The following FAM184A variants were observed in gnomAD, a reference collection of about 807,000 sequenced individuals.
The protein encoded by FAM184A is protein FAM184A.
In FAM184A, 99 loss-of-function variants were observed where a neutral mutation model predicts 143.8. The ratio of observed to expected loss-of-function variants is 0.69; its 90% CI spans 0.58 to 0.81. The LOEUF is 0.81. Ranked by LOEUF, FAM184A falls within the 40% of genes least tolerant of loss-of-function variation. FAM184A has a pLI of 0.00. For missense variants in FAM184A, 1,217 were observed against 1,310.5 expected (o/e 0.93, Z 1.10); for synonymous variants, 427 against 446.4 (o/e 0.96, Z 0.55).
chr6:119,137,720 A>G (rs751409363), intron 1 of FAM184A, among the ~76,000 whole-genome samples: 1 of 152,144 alleles, frequency 6.6e-6, no homozygotes, highest in Non-Finnish European at 1.5e-5. Flanking sequence ...GTCAGGTTCT[A>G]TGGGGTTTAC....
chr6:119,008,559 A>T (rs1784997026), intron 6 of FAM184A, among the ~76,000 whole-genome samples: 1 of 152,172 alleles, frequency 6.6e-6, no homozygotes, highest in African/African-American at 2.4e-5. Context: ...TTATCCTTGG[A>T]CTTTACAGTC....
At chr6:119,023,703 A>G (rs1435218789) in intron 2 of FAM184A, among the ~76,000 whole-genome samples, 1 of 151,518 alleles carries the variant, frequency 6.6e-6, no homozygotes, top group African/African-American at 2.4e-5. Flanking sequence ...CAATAATTAG[A>G]CAAGGTTTTA....
At chr6:119,132,891 G>C (rs540863309) in intron 1 of FAM184A, among the ~76,000 whole-genome samples, 6 of 152,204 alleles carry the variant, frequency 3.9e-5, no homozygotes, top group Admixed American at 3.3e-4. Context: ...CTGGGATGCA[G>C]ATGTTCACAT....
chr6:119,111,658 G>C (rs1042930615), intron 1 of FAM184A, among the ~76,000 whole-genome samples: 1 of 152,206 alleles, frequency 6.6e-6, no homozygotes, highest in Non-Finnish European at 1.5e-5. Flanking sequence ...TCCTGAAAGA[G>C]GTGTCTTGTC....
chr6:118,968,671 T>A (rs994271880), intron 14 of FAM184A, among the ~76,000 whole-genome samples: 8 of 152,202 alleles, frequency 5.3e-5, no homozygotes, highest in African/African-American at 1.7e-4. Flanking sequence ...ATTTATGAAC[T>A]GCTTCCCGCA....
At chr6:118,990,499 TA>T (rs1371058497) in intron 9 of FAM184A, among the ~76,000 whole-genome samples, 1 of 152,156 alleles carries the variant, frequency 6.6e-6, no homozygotes, top group Non-Finnish European at 1.5e-5. Flanking sequence ...TGGCAATTGG[TA>T]AAGGCATAGT....
chr6:119,016,961 G>T lies in FAM184A; in HGVS notation c.1333-17C>A. The T allele has an allele frequency of 6.4e-7, 1 of 1,565,084 alleles. No homozygotes were observed. Among genetic ancestry groups the T allele is most frequent in the South Asian group, 1.2e-5 (1 of 86,836 alleles). On this transcript the variant is annotated splice_polypyrimidine_tract_variant and intron_variant, in intron 4 of 17. Transcript: ENST00000338891. ...ATTTACTTTCTAAAATTAAAACAAAGATCAATAATCGGCACCTGCTTTTTT... is the reference window on the plus strand; with the variant it reads ...ATTTACTTTCTAAAATTAAAACAAATATCAATAATCGGCACCTGCTTTTTT...
chr6:119,079,602 T>G (rs1788001823), upstream of FAM184A, among the ~76,000 whole-genome samples: 1 of 151,522 alleles, frequency 6.6e-6, no homozygotes, highest in African/African-American at 2.4e-5. Flanking sequence ...AGGGCATGGA[T>G]AATACTTTAA....
At chr6:119,042,806 C>T (rs1426157024) in intron 1 of FAM184A, among the ~76,000 whole-genome samples, 1 of 152,142 alleles carries the variant, frequency 6.6e-6, no homozygotes, top group Non-Finnish European at 1.5e-5. Flanking sequence ...TATCACTCTA[C>T]TACACGATGC....
At chr6:119,052,018 G>C (rs1307622527) in intron 1 of FAM184A, among the ~76,000 whole-genome samples, 3 of 152,136 alleles carry the variant, frequency 2.0e-5, no homozygotes, top group African/African-American at 4.8e-5. Context: ...CTGAGCTGGG[G>C]TGCAGACTCC....
chr6:119,129,766 A>AAAG (rs1324529015), intron 1 of FAM184A, among the ~76,000 whole-genome samples: 1 of 151,860 alleles, frequency 6.6e-6, no homozygotes, highest in Non-Finnish European at 1.5e-5. Flanking sequence ...TATTTGCATA[A>AAAG]AAGACTATTT....
At chr6:119,055,604 G>A (rs545355739) in intron 1 of FAM184A, among the ~76,000 whole-genome samples, 49 of 152,214 alleles carry the variant, frequency 3.2e-4, no homozygotes, top group African/African-American at 1.1e-3. Context: ...AAGTGGTATC[G>A]CACTGTGTTT....
rs1473742080 is a variant in FAM184A at position 118,964,689 on chromosome 6, C to T, written c.3116G>A (p.Gly1039Asp). ...NKVFNSSPTVGVINPLAKQKK... is the reference protein window; with the variant it reads ...NKVFNSSPTVDVINPLAKQKK... ...TACCTTAGCCAATGGATTAATAACA[C>T]CAACAGTAGGACTTGAGTTAAACAC... The change falls in exon 16 of 18, where the codon GGT (glycine) becomes GAT (aspartate). Residue 1039 changes from glycine to aspartate, a missense_variant. Physicochemically the swap from Gly to Asp is moderately conservative, Grantham distance 94. Coordinates refer to ENST00000338891, the MANE Select transcript of FAM184A (RefSeq NM_024581.6). 2.5e-6 allele frequency: 4 copies of T among 1,602,010 alleles called. No individual in the cohort carries two copies. Among genetic ancestry groups the T allele is most frequent in the African/African-American group, 2.7e-5 (2 of 74,616 alleles).
chr6:119,014,741 G>T (rs1408939436), intron 5 of FAM184A, among the ~76,000 whole-genome samples: 1 of 152,182 alleles, frequency 6.6e-6, no homozygotes, highest in African/African-American at 2.4e-5. Context: ...CTTCAAGAAT[G>T]ATTACAAGAC....
intron 9 of FAM184A, among the ~76,000 whole-genome samples, chr6:118,990,921 C>T (rs1045505555): frequency 1.3e-5 from 2 of 151,708 alleles, no homozygotes; most frequent in Non-Finnish European, 2.9e-5. Context: ...AATTAGAGTA[C>T]TATTATGTTC....
rs72955064 is a variant in FAM184A at position 119,123,409 on chromosome 6, A to G, written c.-202+25669T>C. Reference sequence around the variant, plus strand: ...ATCTCAAAAATACCAAAAAACAAACAAACAAACAAAAACAAAAACAGTAGG... The same window carrying G: ...ATCTCAAAAATACCAAAAAACAAACGAACAAACAAAAACAAAAACAGTAGG... On this transcript the variant is annotated intron_variant, in intron 1 of 16. Coordinates refer to the FAM184A transcript ENST00000352896. Among the ~76,000 whole-genome samples, 521 of 151,914 alleles carry G rather than the reference A, an allele frequency of 3.4e-3. 2 individuals carry two copies. The highest frequency in any genetic ancestry group is 5.0e-3 in the Non-Finnish European group (337 of 67,942).
intron 1 of FAM184A, among the ~76,000 whole-genome samples, chr6:119,040,722 C>G (rs1786295686): frequency 6.6e-6 from 1 of 152,128 alleles, no homozygotes; most frequent in Admixed American, 6.6e-5. Flanking sequence ...CTTTTTGTTC[C>G]TGTTATATCC....
intron 14 of FAM184A, among the ~76,000 whole-genome samples, chr6:118,971,219 C>A (rs1783686273): frequency 6.6e-6 from 1 of 152,130 alleles, no homozygotes; most frequent in Non-Finnish European, 1.5e-5. Context: ...ACAACCATAC[C>A]TGAATGGTAA....
intron 1 of FAM184A, among the ~76,000 whole-genome samples, chr6:119,103,335 A>C (rs1432463225): frequency 6.6e-6 from 1 of 152,128 alleles, no homozygotes; most frequent in Admixed American, 6.5e-5. Context: ...TTTACTGACT[A>C]CTTCAGGATT....
Sources: allele counts gnomAD v4.1 joint callset (sites outside exome capture counted in the v4.1 genomes callset), GRCh38; gene constraint gnomAD v4.1.1; transcripts MANE v1.5; gene names NCBI Gene and HGNC (gene_info 2026-07-23, HGNC 2026-07-21).